Variants in MAD1L1 observed in about 807,000 individuals in gnomAD.
MAD1L1 encodes the protein mitotic arrest deficient 1 like 1.
A neutral mutation model predicts 96.9 loss-of-function variants in MAD1L1; 95 were observed. The observed-to-expected ratio is 0.98, with a 90% CI of 0.83 to 1.16. MAD1L1 has a LOEUF of 1.16. MAD1L1 is among the 50% of genes most tolerant of loss of function. The pLI is 0.00. For missense variants in MAD1L1, 1,007 were observed against 954.4 expected, an observed-to-expected ratio of 1.06 and a Z score of -0.73; for synonymous variants, 473 against 396.6, an observed-to-expected ratio of 1.19 and a Z score of -2.29.
intron 15 of MAD1L1, among the ~76,000 whole-genome samples, chr7:1,980,207 C>T (rs1399545381): frequency 6.6e-6 from 1 of 152,164 alleles, no homozygotes; most frequent in Non-Finnish European, 1.5e-5. Context: ...GGGGGACACG[C>T]CTGAGCATGT....
intron 17 of MAD1L1, among the ~76,000 whole-genome samples, chr7:1,900,209 G>A (rs933621885): frequency 1.3e-5 from 2 of 152,240 alleles, no homozygotes; most frequent in African/African-American, 2.4e-5. Flanking sequence ...TGACACCCAG[G>A]CTCACAGAGA....
In MAD1L1 at chr7:2,166,703, G is replaced by A. The variant is rs531791689; in HGVS notation, c.987-17465C>T. Among the ~76,000 whole-genome samples the A allele has an allele frequency of 4.5e-3, 689 of 152,352 alleles. 8 individuals are homozygous for A. The highest frequency in any genetic ancestry group is 0.016 in the African/African-American group (648 of 41,592). On this transcript the variant is annotated intron_variant, in intron 10 of 18. Coordinates refer to ENST00000265854, the MANE Select transcript of MAD1L1 (RefSeq NM_001013836.2). ...GGCCCGCTTCCGGGAGGCGTGGCCCGGCCGGCCTGAGGCTGTGACAGCGTG... is the reference window on the plus strand; with the variant it reads ...GGCCCGCTTCCGGGAGGCGTGGCCCAGCCGGCCTGAGGCTGTGACAGCGTG...
intron 12 of MAD1L1, among the ~76,000 whole-genome samples, chr7:2,025,509 G>C (rs755917089): frequency 6.6e-6 from 1 of 152,186 alleles, no homozygotes; most frequent in Non-Finnish European, 1.5e-5. Context: ...AAGAAAATTA[G>C]ATAATTCCTC....
intron 12 of MAD1L1, among the ~76,000 whole-genome samples, chr7:2,063,338 G>A (rs10231757): frequency 0.14 from 21,363 of 152,186 alleles, 2,272 homozygotes; most frequent in African/African-American, 0.29. Context: ...AGGCTGTGCC[G>A]GATCCCAGGA....
At chr7:2,208,209 G>A (rs1270858949) in intron 10 of MAD1L1, among the ~76,000 whole-genome samples, 1 of 152,004 alleles carries the variant, frequency 6.6e-6, no homozygotes. Context: ...TATGTACCTC[G>A]AGTGGCTCAC....
chr7:1,970,070 G>C (rs1780336277), intron 15 of MAD1L1, among the ~76,000 whole-genome samples: 1 of 152,180 alleles, frequency 6.6e-6, no homozygotes, highest in Non-Finnish European at 1.5e-5. Context: ...TCTCGCTCGA[G>C]GGCGTTGTGC....
At chr7:1,842,985 T>C (rs1307553279) in intron 18 of MAD1L1, among the ~76,000 whole-genome samples, 1 of 152,194 alleles carries the variant, frequency 6.6e-6, no homozygotes, top group Non-Finnish European at 1.5e-5. Flanking sequence ...AGGCCCACAG[T>C]GGGGCTGCTG....
At chr7:1,937,602 G>A (rs550308687) in intron 16 of MAD1L1, among the ~76,000 whole-genome samples, 25 of 151,408 alleles carry the variant, frequency 1.7e-4, no homozygotes, top group African/African-American at 5.4e-4. Flanking sequence ...GGGAACAGCC[G>A]CCCACAGCAG....
intron 11 of MAD1L1, among the ~76,000 whole-genome samples, chr7:2,082,349 G>C (rs145695883): frequency 4.6e-5 from 7 of 152,234 alleles, no homozygotes; most frequent in Middle Eastern, 3.4e-3. Context: ...GAGAGAGCGG[G>C]AGAGACAGGA....
chr7:1,838,930 G>C (rs536114247), intron 18 of MAD1L1: 1 of 450,602 alleles, frequency 2.2e-6, no homozygotes, highest in African/African-American at 2.0e-5. Flanking sequence ...GACAAGGACA[G>C]AGTGTGCAAA....
intron 10 of MAD1L1, among the ~76,000 whole-genome samples, chr7:2,173,910 T>C (rs1790829131): frequency 6.6e-6 from 1 of 152,220 alleles, no homozygotes; most frequent in Admixed American, 6.5e-5. Flanking sequence ...GCGATCCTCC[T>C]GCCTCAGCCC....
chr7:1,964,987 C>G (rs1780102479), intron 15 of MAD1L1, among the ~76,000 whole-genome samples: 1 of 152,198 alleles, frequency 6.6e-6, no homozygotes, highest in South Asian at 2.1e-4. Flanking sequence ...GGTCCCAGAC[C>G]CCTGCACTGC....
intron 10 of MAD1L1, among the ~76,000 whole-genome samples, chr7:2,164,595 G>T (rs993579324): frequency 9.2e-5 from 3 of 32,572 alleles, no homozygotes; most frequent in African/African-American, 1.8e-4. Context: ...AGGAAAAATG[G>T]GGGGGGGGGG....
chr7:1,886,802 G>A (rs1342388231), intron 18 of MAD1L1, among the ~76,000 whole-genome samples: 1 of 152,266 alleles, frequency 6.6e-6, no homozygotes, highest in Non-Finnish European at 1.5e-5. Flanking sequence ...CAGGGCTGGG[G>A]CAGCAGGTGA....
At chr7:2,006,230 G>T (rs1782024419) in intron 13 of MAD1L1, among the ~76,000 whole-genome samples, 1 of 152,124 alleles carries the variant, frequency 6.6e-6, no homozygotes, top group Non-Finnish European at 1.5e-5. Flanking sequence ...ACACACTGCT[G>T]TCTGCAGCTC....
chr7:2,139,079 G>A (rs1423417152), intron 11 of MAD1L1, among the ~76,000 whole-genome samples: 3 of 152,098 alleles, frequency 2.0e-5, no homozygotes, highest in African/African-American at 7.2e-5. Context: ...GGCCAGAGGC[G>A]AGGAGGAAGA....
intron 12 of MAD1L1, among the ~76,000 whole-genome samples, chr7:2,027,553 A>T (rs1449593761): frequency 6.6e-6 from 1 of 152,244 alleles, no homozygotes; most frequent in Non-Finnish European, 1.5e-5. Flanking sequence ...AACATTTGAA[A>T]ATCAATTAAT....
rs904349931 is a variant in MAD1L1 at position 2,114,732 on chromosome 7, T to C, written c.1073+34420A>G. Among the ~76,000 whole-genome samples the C allele has an allele frequency of 6.6e-6, 1 of 152,192 alleles. No homozygotes were observed. Among genetic ancestry groups the C allele is most frequent in the Non-Finnish European group, 1.5e-5 (1 of 68,028 alleles). On this transcript the variant is annotated intron_variant, in intron 11 of 18. Transcript: ENST00000265854. The surrounding 1 kb of genome is among the most constrained non-coding windows in gnomAD (Gnocchi z 4.2). ...CCCAGAATCAAATACGAATCGCCGC[T>C]GCCGCTCTCACAGCACGATGGCAGA...
chr7:2,128,382 G>A (rs1423343049), intron 11 of MAD1L1, among the ~76,000 whole-genome samples: 1 of 152,148 alleles, frequency 6.6e-6, no homozygotes, highest in South Asian at 2.1e-4. Flanking sequence ...GAGGAGGCCA[G>A]ACCACCGTGA....
Sources: allele counts gnomAD v4.1 joint callset (sites outside exome capture counted in the v4.1 genomes callset), GRCh38; gene constraint gnomAD v4.1.1; non-coding constraint Gnocchi (gnomAD v3.1); transcripts MANE v1.5; gene names NCBI Gene and HGNC (gene_info 2026-07-23, HGNC 2026-07-21).